Variants in MINDY4 observed in about 807,000 individuals in gnomAD.
MINDY4 encodes MINDY lysine 48 deubiquitinase 4.
In MINDY4, 68 loss-of-function variants were observed where a neutral mutation model predicts 87.0. That is an observed-to-expected ratio of 0.78 (90% CI 0.64 to 0.96). MINDY4 has a LOEUF of 0.96. Among genes scored for constraint, MINDY4 ranks in the 40% least tolerant of loss-of-function variants. The pLI is 0.00. For synonymous variants in MINDY4, 379 were observed against 363.2 expected (o/e 1.04, Z -0.50); for missense variants, 919 against 928.2 (o/e 0.99, Z 0.13).
At chr7:30,800,943 C>T (rs191438690) in intron 5 of MINDY4, among the ~76,000 whole-genome samples, 1 of 152,188 alleles carries the variant, frequency 6.6e-6, no homozygotes, top group Non-Finnish European at 1.5e-5. Context: ...AGTCTCGTTG[C>T]CCTTGTTGCA....
chr7:30,832,976 A>G (rs73091472), intron 6 of MINDY4, among the ~76,000 whole-genome samples: 32,128 of 152,056 alleles, frequency 0.21, 4,090 homozygotes, highest in African/African-American at 0.35. Flanking sequence ...GTTCTTGCAA[A>G]ATCTATACTG....
intron 13 of MINDY4, among the ~76,000 whole-genome samples, chr7:30,864,782 G>A (rs1789878429): frequency 6.6e-6 from 1 of 152,268 alleles, no homozygotes; most frequent in South Asian, 2.1e-4. Context: ...CTGAGAACAG[G>A]AGAGCAGATG....
intron 6 of MINDY4, among the ~76,000 whole-genome samples, chr7:30,829,944 G>A (rs1315848909): frequency 2.0e-5 from 3 of 152,282 alleles, no homozygotes; most frequent in East Asian, 1.9e-4. Context: ...TCTGGAGGGA[G>A]GCCGACCCCT....
intron 13 of MINDY4, among the ~76,000 whole-genome samples, chr7:30,865,589 G>C (rs958434333): frequency 1.3e-5 from 2 of 152,132 alleles, no homozygotes; most frequent in East Asian, 3.9e-4. Flanking sequence ...TCTCTGCCTC[G>C]CTTCCTCTGG....
rs561752199 is a variant in MINDY4, at chr7:30,871,499, C to T, written c.1746-744C>T. Among the ~76,000 whole-genome samples the T allele has an allele frequency of 3.3e-5, 5 of 152,330 alleles. No individual in the cohort carries two copies. In the South Asian group the frequency reaches 1.0e-3, roughly 32 times the overall value. On this transcript the variant is annotated intron_variant, in intron 13 of 17. Coordinates refer to ENST00000265299, the MANE Select transcript of MINDY4 (RefSeq NM_032222.3). Reference sequence around the variant, plus strand: ...GGAGGGTTTTCTGCCTCACGTGTGGCACACCTCTGCTCACCGGGATACTGA... The same window carrying T: ...GGAGGGTTTTCTGCCTCACGTGTGGTACACCTCTGCTCACCGGGATACTGA...
chr7:30,796,401 A>G (rs1303656835), intron 5 of MINDY4, among the ~76,000 whole-genome samples: 1 of 152,156 alleles, frequency 6.6e-6, no homozygotes, highest in Non-Finnish European at 1.5e-5. Context: ...TAATTTCATG[A>G]AATGGATTTT....
chr7:30,782,086 T>G lies in MINDY4; in HGVS notation c.293T>G (p.Leu98Arg), dbSNP rs1787022551. ...ACTCAAGATACCCCAATCCCTGCACTCTCAGTTCCAAAGAAAAATAACAAA... is the reference window on the plus strand; with the variant it reads ...ACTCAAGATACCCCAATCCCTGCACGCTCAGTTCCAAAGAAAAATAACAAA... Reference protein sequence around the residue: ...NFTQDTPIPALSVPKKNNKVP... With the variant: ...NFTQDTPIPARSVPKKNNKVP... The change falls in exon 3 of 18, where the codon CTC (leucine) becomes CGC (arginine). Residue 98 changes from leucine (L) to arginine (R), a missense_variant. Transcript: ENST00000265299. 1.2e-6 allele frequency: 2 copies of G among 1,614,070 alleles called. No individual in the cohort carries two copies. Among genetic ancestry groups the G allele is most frequent in the South Asian group, 2.2e-5 (2 of 91,070 alleles).
intron 6 of MINDY4, 87 bp downstream of exon 6, chr7:30,828,824 C>A: frequency 7.4e-7 from 1 of 1,345,886 alleles, no homozygotes; most frequent in Non-Finnish European, 1.1e-6. Flanking sequence ...TGGTCGGGGG[C>A]CCCTTTCCTT....
intron 5 of MINDY4, among the ~76,000 whole-genome samples, chr7:30,800,178 T>A (rs1787605146): frequency 6.6e-6 from 1 of 152,180 alleles, no homozygotes; most frequent in Non-Finnish European, 1.5e-5. Flanking sequence ...TCAGTTCTCA[T>A]GGCTCCTTCT....
At chr7:30,823,170 T>C (rs1000741867) in intron 5 of MINDY4, among the ~76,000 whole-genome samples, 4 of 152,194 alleles carry the variant, frequency 2.6e-5, no homozygotes, top group Non-Finnish European at 4.4e-5. Flanking sequence ...GTTGGATCAC[T>C]CTGTTAACGT....
chr7:30,870,420 T>A (rs553562008), intron 13 of MINDY4, among the ~76,000 whole-genome samples: 1 of 152,358 alleles, frequency 6.6e-6, no homozygotes, highest in South Asian at 2.1e-4. Flanking sequence ...CGCTATGCTC[T>A]GCCATGAGTC....
chr7:30,815,980 T>C (rs1285237205), intron 5 of MINDY4, among the ~76,000 whole-genome samples: 1 of 152,130 alleles, frequency 6.6e-6, no homozygotes, highest in Non-Finnish European at 1.5e-5. Flanking sequence ...AGTCAGGAGC[T>C]TAAAACTCTA....
intron 17 of MINDY4, among the ~76,000 whole-genome samples, chr7:30,883,428 G>A (rs1436618517): frequency 3.3e-5 from 5 of 152,120 alleles, no homozygotes; most frequent in Non-Finnish European, 5.9e-5. Context: ...TGCCTGGAGC[G>A]ACACCCTCTG....
Position 30,785,729 on chromosome 7 carries a change from G to A in MINDY4, c.420-20G>A. On this transcript the variant is annotated intron_variant, in intron 3 of 17. Coordinates refer to ENST00000265299, the MANE Select transcript of MINDY4 (RefSeq NM_032222.3). ...TCCTTTTGGGGAGTCTGTTTTAATG[G>A]AAATATTCCTTTTTCACAGACATGA... 6.2e-7 allele frequency: 1 copy of A among 1,613,644 alleles called. No individual in the cohort carries two copies. The highest frequency in any genetic ancestry group is 8.5e-7 in the Non-Finnish European group (1 of 1,179,778).
At chr7:30,810,937 G>C (rs1312555303) in intron 5 of MINDY4, among the ~76,000 whole-genome samples, 2 of 152,092 alleles carry the variant, frequency 1.3e-5, no homozygotes, top group East Asian at 3.9e-4. Context: ...GAAAGAAAAA[G>C]TCAGTTTCTT....
At chr7:30,807,252 A>G (rs975814291) in intron 5 of MINDY4, among the ~76,000 whole-genome samples, 2 of 152,138 alleles carry the variant, frequency 1.3e-5, no homozygotes, top group African/African-American at 4.8e-5. Context: ...AAGCTGCTGT[A>G]TGGAGGGCAA....
intron 9 of MINDY4, among the ~76,000 whole-genome samples, chr7:30,843,763 G>A (rs984491181): frequency 3.3e-5 from 5 of 152,148 alleles, no homozygotes; most frequent in African/African-American, 9.7e-5. Context: ...TGTCGTTGCC[G>A]GCCAGGCAGG....
chr7:30,786,167 C>G (rs769753547), intron 4 of MINDY4, 175 bp downstream of exon 4: 8 of 817,590 alleles, frequency 9.8e-6, no homozygotes, highest in South Asian at 3.6e-5. Flanking sequence ...GTCAATGACA[C>G]GTGGGGCCTT....
At chr7:30,872,114 C>CTGA (rs1790123519) in intron 13 of MINDY4, 129 bp from the exon 14 acceptor site, 12 of 849,534 alleles carry the variant, frequency 1.4e-5, no homozygotes, top group Middle Eastern at 2.3e-4. Context: ...GAACAGAGCG[C>CTGA]TCAGGTTCCC....
Sources: allele counts gnomAD v4.1 joint callset (sites outside exome capture counted in the v4.1 genomes callset), GRCh38; gene constraint gnomAD v4.1.1; transcripts MANE v1.5; gene names NCBI Gene and HGNC (gene_info 2026-07-23, HGNC 2026-07-21).